The following NFAT5 variants were observed in gnomAD, a reference collection of about 807,000 sequenced individuals.
The protein encoded by NFAT5 is nuclear factor of activated T-cells 5.
Under a neutral mutation model 166.5 loss-of-function variants are expected in NFAT5, and 31 were observed. The ratio of observed to expected loss-of-function variants is 0.19; its 90% CI spans 0.14 to 0.25. The LOEUF is 0.25. NFAT5 is among the 10% of genes least tolerant of loss of function. NFAT5 has a pLI of 1.00. For missense variants in NFAT5, 1,449 were observed against 1,821.8 expected (o/e 0.80, Z 3.72); for synonymous variants, 612 against 639.7 (o/e 0.96, Z 0.65).
intron 2 of NFAT5, among the ~76,000 whole-genome samples, chr16:69,608,184 G>A (rs1032780870): frequency 4.7e-5 from 7 of 150,380 alleles, no homozygotes; most frequent in African/African-American, 1.0e-4. Flanking sequence ...GCAAAACCCC[G>A]GTCTCTACCA....
intron 6 of NFAT5, among the ~76,000 whole-genome samples, chr16:69,656,282 CAAAA>C (rs1230748739): frequency 6.8e-5 from 4 of 58,856 alleles, no homozygotes; most frequent in Non-Finnish European, 1.1e-4. Context: ...CTCTGTCTCA[CAAAA>C]AAAAAAAAAA....
At chr16:69,660,931 C>T (rs776800628) in intron 7 of NFAT5, among the ~76,000 whole-genome samples, 6 of 151,926 alleles carry the variant, frequency 3.9e-5, no homozygotes, top group Non-Finnish European at 8.8e-5. Context: ...GCCTCAGCCT[C>T]CCGAGTAGCT....
rs769953709 is a variant in NFAT5 at position 69,647,269 on chromosome 16, A to G, written c.495A>G (p.Pro165=). 1.2e-5 allele frequency: 19 copies of G among 1,613,956 alleles called. No homozygotes were observed. Among genetic ancestry groups the G allele is most frequent in the Middle Eastern group, 1.6e-4 (1 of 6,084 alleles). ...ACACAGTCTTGTACATCTCACCACC[A>G]CCTGAGGACTTGCTGGATAACAGTC... is the stretch of plus-strand genomic sequence containing the variant. ...KRHTVLYISP[P]PEDLLDNSRM... The change falls in exon 4 of 15, where the codon CCA becomes CCG. Residue 165 remains proline, a synonymous_variant. Transcript: ENST00000349945. This position sits in a 1 kb window ranked among gnomAD's most constrained non-coding sequence, Gnocchi z 4.8.
At chr16:69,651,754 T>C (rs1251469785) in intron 4 of NFAT5, among the ~76,000 whole-genome samples, 1 of 151,284 alleles carries the variant, frequency 6.6e-6, no homozygotes, top group African/African-American at 2.4e-5. Context: ...CACTGCAACC[T>C]GCACCTCCTG....
intron 6 of NFAT5, 58 bp downstream of exon 6, chr16:69,655,857 G>A (rs1404237840): frequency 7.6e-7 from 1 of 1,308,926 alleles, no homozygotes; most frequent in Non-Finnish European, 1.0e-6. Context: ...AGGCAGAATT[G>A]TTCAGTTTCT....
intron 2 of NFAT5, among the ~76,000 whole-genome samples, chr16:69,572,110 A>G (rs2016478492): frequency 6.6e-6 from 1 of 152,200 alleles, no homozygotes; most frequent in African/African-American, 2.4e-5. Flanking sequence ...AATGTCTACT[A>G]TTCAACTGAG....
At chr16:69,577,341 C>T (rs932754114) in intron 2 of NFAT5, among the ~76,000 whole-genome samples, 2 of 152,054 alleles carry the variant, frequency 1.3e-5, no homozygotes, top group African/African-American at 4.8e-5. Context: ...GTAAATTCAT[C>T]TTGAGTGAAT....
chr16:69,570,371 A>G (rs1393806345), intron 2 of NFAT5, among the ~76,000 whole-genome samples: 1 of 152,086 alleles, frequency 6.6e-6, no homozygotes, highest in African/African-American at 2.4e-5. Flanking sequence ...TTGACATTTT[A>G]AAGAATACAT....
rs764531900 is a variant in NFAT5, at chr16:69,695,353, C to T, written c.4632C>T (p.Asn1544=). The change falls in exon 14 of 15, where the codon AAC becomes AAT. Residue 1544 remains asparagine (N), a synonymous_variant. Transcript: ENST00000349945. ...TTTCATTGCAAAACCAAGGGAACAA[C>T]TTGACTGGCTCCTTTTAACTGGATA... ...LLVSLQNQGN[N]LTGSF 7 of 1,613,674 alleles carry T rather than the reference C, an allele frequency of 4.3e-6. No individual in the cohort carries two copies. The highest frequency in any genetic ancestry group is 4.0e-5 in the African/African-American group (3 of 75,034).
At chr16:69,576,066 G>A (rs560790919) in intron 2 of NFAT5, among the ~76,000 whole-genome samples, 1 of 152,174 alleles carries the variant, frequency 6.6e-6, no homozygotes, top group African/African-American at 2.4e-5. Context: ...ACTTTGGGAG[G>A]CCGAGGTGGG....
intron 7 of NFAT5, among the ~76,000 whole-genome samples, chr16:69,669,581 C>G (rs1186920504): frequency 6.6e-6 from 1 of 152,110 alleles, no homozygotes; most frequent in Admixed American, 6.5e-5. Flanking sequence ...ATTAGGGATG[C>G]TCAACCTGTA....
At chr16:69,688,047 T>G (rs1282242255) in intron 11 of NFAT5, among the ~76,000 whole-genome samples, 2 of 150,032 alleles carry the variant, frequency 1.3e-5, no homozygotes, top group African/African-American at 4.9e-5. Context: ...ACAAAAAAAA[T>G]TAGCCGGGCG....
At chr16:69,618,179 T>C (rs2034045557) in intron 2 of NFAT5, among the ~76,000 whole-genome samples, 1 of 150,468 alleles carries the variant, frequency 6.6e-6, no homozygotes, top group Admixed American at 6.6e-5. Flanking sequence ...AAAAAAACTC[T>C]GTAGAACTCA....
intron 2 of NFAT5, among the ~76,000 whole-genome samples, chr16:69,596,588 C>T (rs1015677532): frequency 1.3e-5 from 2 of 151,818 alleles, no homozygotes; most frequent in Non-Finnish European, 2.9e-5. Context: ...CGTGGTGGCA[C>T]GTGCCTGTAA....
intron 11 of NFAT5, among the ~76,000 whole-genome samples, chr16:69,688,772 G>A (rs1002775022): frequency 3.9e-5 from 6 of 152,184 alleles, no homozygotes; most frequent in Non-Finnish European, 7.4e-5. Context: ...GCAAACATTT[G>A]TTGATTACCT....
intron 7 of NFAT5, among the ~76,000 whole-genome samples, chr16:69,661,749 T>C (rs1190656212): frequency 1.3e-5 from 2 of 151,974 alleles, no homozygotes; most frequent in African/African-American, 4.8e-5. Flanking sequence ...GGCATGCCAA[T>C]TGATGATTTG....
intron 2 of NFAT5, among the ~76,000 whole-genome samples, chr16:69,595,627 G>A (rs956782980): frequency 2.0e-5 from 3 of 152,046 alleles, no homozygotes; most frequent in Non-Finnish European, 2.9e-5. Context: ...TCATTCTTTC[G>A]CAGTTTTACA....
intron 10 of NFAT5, among the ~76,000 whole-genome samples, chr16:69,680,958 C>T (rs1230572200): frequency 6.6e-6 from 1 of 152,124 alleles, no homozygotes; most frequent in Admixed American, 6.5e-5. Flanking sequence ...CGGGGTTTCA[C>T]CATGTTGGCC....
At chr16:69,672,001 C>T (rs998636199) in intron 9 of NFAT5, among the ~76,000 whole-genome samples, 3 of 152,180 alleles carry the variant, frequency 2.0e-5, no homozygotes, top group Non-Finnish European at 4.4e-5. Flanking sequence ...GACTATCCAG[C>T]GACCAAAGCT....
Sources: gnomAD v4.1 joint callset for allele counts (sites outside exome capture counted in the v4.1 genomes callset) on GRCh38, gnomAD v4.1.1 for gene constraint, Gnocchi (gnomAD v3.1) non-coding constraint, MANE v1.5 for transcripts, NCBI Gene and HGNC (gene_info 2026-07-23, HGNC 2026-07-21) for gene names.